The following NYAP2 variants were observed in gnomAD, a reference collection of about 807,000 sequenced individuals.
NYAP2 encodes neuronal tyrosine-phosphorylated phosphoinositide-3-kinase adaptor 2.
Under a neutral mutation model 50.4 loss-of-function variants are expected in NYAP2, and 23 were observed. The ratio of observed to expected loss-of-function variants is 0.46; its 90% CI spans 0.33 to 0.65. The LOEUF is 0.65. NYAP2 is among the 30% of genes least tolerant of loss of function. The pLI, the probability that NYAP2 is intolerant of heterozygous loss-of-function variation, is 0.02. For missense variants in NYAP2, 885 were observed against 861.0 expected, an observed-to-expected ratio of 1.03 and a Z score of -0.35; for synonymous variants, 394 against 365.2, an observed-to-expected ratio of 1.08 and a Z score of -0.90.
the NYAP2 span, among the ~76,000 whole-genome samples, chr2:225,677,972 A>G: frequency 6.6e-6 from 1 of 152,100 alleles, no homozygotes; most frequent in Non-Finnish European, 1.5e-5. Flanking sequence ...ATTTTTGGAA[A>G]AGTTTCAGCA....
At chr2:225,482,317 TG>T (rs1196030372) in intron 3 of NYAP2, among the ~76,000 whole-genome samples, 1 of 152,086 alleles carries the variant, frequency 6.6e-6, no homozygotes, top group East Asian at 1.9e-4. Context: ...GTGAGATGAG[TG>T]GTCTGAGAAC....
chr2:225,401,338 T>C (rs1256972071), intron 2 of NYAP2, among the ~76,000 whole-genome samples: 1 of 152,090 alleles, frequency 6.6e-6, no homozygotes, highest in Non-Finnish European at 1.5e-5. Context: ...TTTGAAAATG[T>C]TTTCCAGGGT....
chr2:225,515,149 T>C (rs1690905194), intron 4 of NYAP2, among the ~76,000 whole-genome samples: 1 of 152,206 alleles, frequency 6.6e-6, no homozygotes, highest in Non-Finnish European at 1.5e-5. Context: ...CCATAAATTC[T>C]ACAAAAAAAC....
At chr2:225,408,719 T>C in intron 2 of NYAP2, 145 bp from the exon 3 acceptor site, 2 of 558,822 alleles carry the variant, frequency 3.6e-6, no homozygotes, top group South Asian at 2.4e-5. Flanking sequence ...ACTTCAAATA[T>C]TGTGGTTGTA....
intron 3 of NYAP2, among the ~76,000 whole-genome samples, chr2:225,448,621 G>C (rs1574620371): frequency 6.6e-6 from 1 of 152,264 alleles, no homozygotes; most frequent in East Asian, 1.9e-4. Context: ...GGCTGTGCCT[G>C]TCTGCATCCA....
chr2:225,627,196 C>T, intron 6 of NYAP2, 70 bp downstream of exon 6: 1 of 1,146,336 alleles, frequency 8.7e-7, no homozygotes, highest in Non-Finnish European at 1.3e-6. Context: ...TGCAATATCA[C>T]TTACAGAATT....
At chr2:225,623,393 C>T (rs944252862) in intron 5 of NYAP2, among the ~76,000 whole-genome samples, 1 of 152,154 alleles carries the variant, frequency 6.6e-6, no homozygotes. Context: ...TGAGTCTTGG[C>T]CAATCATAGC....
chr2:225,591,707 C>T (rs1379071368), intron 5 of NYAP2, among the ~76,000 whole-genome samples: 1 of 151,954 alleles, frequency 6.6e-6, no homozygotes, highest in Admixed American at 6.6e-5. Flanking sequence ...ATTCGAACCC[C>T]GATTATTTGG....
At chr2:225,662,448 C>G in the NYAP2 span, among the ~76,000 whole-genome samples, 1 of 152,206 alleles carries the variant, frequency 6.6e-6, no homozygotes, top group Non-Finnish European at 1.5e-5. Flanking sequence ...TAGATTTAAC[C>G]AACAACACAA....
intron 4 of NYAP2, among the ~76,000 whole-genome samples, chr2:225,516,959 G>C (rs1009521715): frequency 4.6e-5 from 7 of 151,890 alleles, no homozygotes; most frequent in African/African-American, 1.5e-4. Context: ...ATGGTAACAG[G>C]CTTCTATTTA....
intron 3 of NYAP2, among the ~76,000 whole-genome samples, chr2:225,423,168 C>T (rs534251248): frequency 1.3e-5 from 2 of 152,204 alleles, no homozygotes; most frequent in South Asian, 2.1e-4. Flanking sequence ...AACACGAAGC[C>T]TCTGCAGTTA....
intron 5 of NYAP2, among the ~76,000 whole-genome samples, chr2:225,587,190 G>T (rs2106233162): frequency 6.6e-6 from 1 of 152,212 alleles, no homozygotes; most frequent in Non-Finnish European, 1.5e-5. Context: ...GATGAGATTT[G>T]GTGGGGGACA....
At chr2:225,515,540 T>C (rs1690914681) in intron 4 of NYAP2, among the ~76,000 whole-genome samples, 1 of 152,140 alleles carries the variant, frequency 6.6e-6, no homozygotes, top group Admixed American at 6.6e-5. Flanking sequence ...ATTTGATTCT[T>C]TTTCTCATGA....
At chr2:225,418,495 T>G (rs1695161043) in intron 3 of NYAP2, among the ~76,000 whole-genome samples, 2 of 152,122 alleles carry the variant, frequency 1.3e-5, no homozygotes, top group African/African-American at 4.8e-5. Context: ...TGAGATGTGC[T>G]GGAATCGTAG....
At chr2:225,590,820 C>T (rs562599147) in intron 5 of NYAP2, among the ~76,000 whole-genome samples, 1 of 152,192 alleles carries the variant, frequency 6.6e-6, no homozygotes, top group Non-Finnish European at 1.5e-5. Context: ...CCTGTGGATT[C>T]TCCCAGAGGC....
At chr2:225,659,968 A>C in the NYAP2 span, among the ~76,000 whole-genome samples, 3 of 152,208 alleles carry the variant, frequency 2.0e-5, no homozygotes, top group African/African-American at 7.2e-5. Context: ...CCACCCCACT[A>C]TCCCCAAGCT....
chr2:225,598,194 A>G (rs529797072), intron 5 of NYAP2, among the ~76,000 whole-genome samples: 1 of 152,300 alleles, frequency 6.6e-6, no homozygotes, highest in South Asian at 2.1e-4. Context: ...GGCCATCTTT[A>G]TTGTACAAAG....
chr2:225,585,473 G>A (rs1692373527), intron 5 of NYAP2, among the ~76,000 whole-genome samples: 1 of 152,164 alleles, frequency 6.6e-6, no homozygotes, highest in Admixed American at 6.5e-5. Context: ...TTTCTCATCC[G>A]ACTCCAAAAA....
chr2:225,465,913 C>T (rs1689909034), intron 3 of NYAP2, among the ~76,000 whole-genome samples: 1 of 152,314 alleles, frequency 6.6e-6, no homozygotes, highest in South Asian at 2.1e-4. Context: ...TGGTGAGATG[C>T]TCTGTTCCCT....
Sources: gnomAD v4.1 joint callset for allele counts (sites outside exome capture counted in the v4.1 genomes callset) on GRCh38, gnomAD v4.1.1 for gene constraint, MANE v1.5 for transcripts, NCBI Gene and HGNC (gene_info 2026-07-23, HGNC 2026-07-21) for gene names.